The following IGF2R variants were observed in gnomAD, a reference collection of about 807,000 sequenced individuals.
The protein encoded by IGF2R is insulin like growth factor 2 receptor.
In IGF2R, 91 loss-of-function variants were observed where a neutral mutation model predicts 270.6. The observed-to-expected ratio is 0.34, with a 90% CI of 0.28 to 0.40. IGF2R has a LOEUF of 0.40. IGF2R is among the 10% of genes least tolerant of loss of function. The pLI is 1.00. For missense variants in IGF2R, 2,805 were observed against 3,188.3 expected (o/e 0.88, Z 2.90); for synonymous variants, 1,316 against 1,258.9 (o/e 1.05, Z -0.96).
intron 11 of IGF2R, among the ~76,000 whole-genome samples, chr6:160,042,620 C>T (rs1400028038): frequency 6.6e-6 from 1 of 152,182 alleles, no homozygotes; most frequent in African/African-American, 2.4e-5. Context: ...AGTTCAGCGG[C>T]CACCTGTGGT....
rs1185484182 is a variant in IGF2R, at chr6:160,106,873, G to C, written c.*1789G>C. 1.3e-5 allele frequency: 2 copies of C among 151,924 alleles called. No individual in the cohort carries two copies. Among genetic ancestry groups the C allele is most frequent in the African/African-American group, 2.4e-5 (1 of 41,358 alleles). The allele number at this position is 151,924 out of a possible 1,614,324, so 9.4% of individuals were successfully genotyped here. The stretch of plus-strand genomic sequence containing the variant: ...CAGTGAGTCAATAAAGCTTTTTTTT[G>C]TGCAACCTGATCTAACATGGAGATG... On this transcript the variant is annotated 3_prime_UTR_variant, in exon 48 of 48. Transcript: ENST00000356956.
chr6:160,040,581 C>T lies in IGF2R; in HGVS notation c.1337C>T (p.Pro446Leu), dbSNP rs145880697. 5.0e-6 allele frequency: 8 copies of T among 1,614,016 alleles called. No individual in the cohort carries two copies. Among genetic ancestry groups the T allele is most frequent in the Non-Finnish European group, 6.8e-6 (8 of 1,179,996 alleles). The change falls in exon 11 of 48, where the codon CCT becomes CTT. Residue 446 changes from proline (P) to leucine (L), a missense_variant. Transcript: ENST00000356956. ...GCAGGTAACGATGGGAAAGGAACTC[C>T]TGTATTCACAGGGGAGGTTGACTGC... ...KTAGNDGKGT[P>L]VFTGEVDCTY...
chr6:160,044,422 CTCTT>C (rs1453696216), intron 12 of IGF2R, 88 bp from the exon 13 acceptor site: 36 of 1,133,640 alleles, frequency 3.2e-5, no homozygotes, highest in African/African-American at 8.1e-5. Context: ...TTCTTTCTTT[CTCTT>C]TCTTTCTTTT....
chr6:160,046,637 G>T lies in IGF2R; in HGVS notation c.2043G>T (p.Val681=), dbSNP rs1441415892. ...PCQPDSGACQ[V]AKSDEKTWNL... ...AGCCAGACTCAGGAGCCTGCCAGGT[G>T]GCAAAAAGGCAAGTAGCTTCTCAGT... is the stretch of plus-strand genomic sequence containing the variant. Residue 681 remains valine (V), a synonymous_variant, in exon 15 of 48, where the codon GTG becomes GTT. Coordinates refer to ENST00000356956, the MANE Select transcript of IGF2R (RefSeq NM_000876.4). 6.2e-7 allele frequency: 1 copy of T among 1,608,488 alleles called. No individual in the cohort carries two copies. Among genetic ancestry groups the T allele is most frequent in the South Asian group, 1.1e-5 (1 of 89,970 alleles).
chr6:160,061,375 ATT>A (rs1388689429), intron 23 of IGF2R, 126 bp from the exon 24 acceptor site: 5 of 843,636 alleles, frequency 5.9e-6, no homozygotes, highest in Admixed American at 2.3e-5. Flanking sequence ...CCTCCCGTGG[ATT>A]TCCTTATCCT....
intron 31 of IGF2R, among the ~76,000 whole-genome samples, chr6:160,070,440 A>G (rs1449087060): frequency 1.3e-5 from 2 of 152,204 alleles, no homozygotes; most frequent in African/African-American, 4.8e-5. Context: ...TCCCAGCCAC[A>G]TAACTTGGTT....
At chr6:160,005,684 T>G (rs1428149790) in intron 2 of IGF2R, 1 of 152,998 alleles carries the variant, frequency 6.5e-6, no homozygotes, top group African/African-American at 2.4e-5. Flanking sequence ...GCTTCTGAAC[T>G]TGCCAGGAAA....
chr6:160,032,801 T>G, intron 8 of IGF2R, 88 bp downstream of exon 8: 3 of 1,460,950 alleles, frequency 2.1e-6, no homozygotes, highest in Non-Finnish European at 9.4e-7. Flanking sequence ...AGTCAGTCCA[T>G]GCATGCTTCT....
At chr6:160,042,170 A>G (rs1777960127) in intron 11 of IGF2R, among the ~76,000 whole-genome samples, 1 of 152,176 alleles carries the variant, frequency 6.6e-6, no homozygotes, top group African/African-American at 2.4e-5. Context: ...AGGGAGAGCT[A>G]AAACCATTCC....
chr6:160,042,677 T>G (rs1777971510), intron 11 of IGF2R, among the ~76,000 whole-genome samples: 1 of 152,344 alleles, frequency 6.6e-6, no homozygotes, highest in African/African-American at 2.4e-5. Context: ...CTGCACTCAG[T>G]CTGCAGATGT....
At chr6:160,047,952 T>C in intron 17 of IGF2R, 45 bp downstream of exon 17, 1 of 1,242,108 alleles carries the variant, frequency 8.1e-7, no homozygotes, top group Middle Eastern at 2.0e-4. Flanking sequence ...GTACAGATGC[T>C]GAGGTTGCAA....
At chr6:160,013,187 A>G (rs752086134) in intron 4 of IGF2R, among the ~76,000 whole-genome samples, 1 of 152,060 alleles carries the variant, frequency 6.6e-6, no homozygotes, top group Non-Finnish European at 1.5e-5. Flanking sequence ...CCTAGGAAAA[A>G]ATTGCTTTCC....
chr6:160,036,947 G>C (rs997225445), intron 10 of IGF2R, among the ~76,000 whole-genome samples: 10 of 151,994 alleles, frequency 6.6e-5, no homozygotes, highest in Non-Finnish European at 1.3e-4. Context: ...ACGGGTGAAG[G>C]CCTCCCATAG....
intron 4 of IGF2R, among the ~76,000 whole-genome samples, chr6:160,013,348 A>G (rs1254602109): frequency 6.6e-6 from 1 of 151,586 alleles, no homozygotes; most frequent in African/African-American, 2.4e-5. Context: ...ACAAAGAGGA[A>G]TATGCCACAG....
At chr6:159,971,548 TC>T (rs1290284678) in intron 1 of IGF2R, among the ~76,000 whole-genome samples, 7 of 152,196 alleles carry the variant, frequency 4.6e-5, no homozygotes, top group African/African-American at 1.7e-4. Context: ...CCCACCTCTT[TC>T]CCTGTTACTT....
At chr6:160,066,924 C>T (rs1402853490) in intron 29 of IGF2R, among the ~76,000 whole-genome samples, 3 of 152,328 alleles carry the variant, frequency 2.0e-5, no homozygotes, top group South Asian at 2.1e-4. Context: ...TCCTCTCGTG[C>T]GTGCAGTACT....
intron 38 of IGF2R, 94 bp from the exon 39 acceptor site, chr6:160,080,035 T>G: frequency 6.9e-7 from 1 of 1,440,902 alleles, no homozygotes; most frequent in Non-Finnish European, 9.5e-7. Context: ...TGCTTTAGGA[T>G]GGGCAGCTTC....
At chr6:160,083,000 G>A (rs1779019235) in intron 39 of IGF2R, among the ~76,000 whole-genome samples, 1 of 152,204 alleles carries the variant, frequency 6.6e-6, no homozygotes, top group Non-Finnish European at 1.5e-5. Context: ...CAGAGACAAA[G>A]TATAGAGAAA....
chr6:159,997,049 A>G (rs994098732), intron 2 of IGF2R, among the ~76,000 whole-genome samples: 2 of 152,210 alleles, frequency 1.3e-5, no homozygotes, highest in Admixed American at 6.5e-5. Flanking sequence ...TCCGTGCCCA[A>G]GCACTGAGAC....
Sources: allele counts gnomAD v4.1 joint callset (sites outside exome capture counted in the v4.1 genomes callset), GRCh38; gene constraint gnomAD v4.1.1; transcripts MANE v1.5; gene names NCBI Gene and HGNC (gene_info 2026-07-23, HGNC 2026-07-21).